CHRNA3: variants seen among roughly 807,000 people sequenced by gnomAD.
The protein encoded by CHRNA3 is cholinergic receptor nicotinic alpha 3 subunit.
Under a neutral mutation model 41.9 loss-of-function variants are expected in CHRNA3, and 34 were observed. The ratio of observed to expected loss-of-function variants is 0.81; its 90% CI spans 0.62 to 1.08. The LOEUF is 1.08. Among genes scored for constraint, CHRNA3 ranks in the 50% least tolerant of loss-of-function variants. The pLI, the probability that CHRNA3 is intolerant of heterozygous loss-of-function variation, is 0.00. For missense variants in CHRNA3, 542 were observed against 638.3 expected (o/e 0.85, Z 1.63); for synonymous variants, 281 against 265.2 (o/e 1.06, Z -0.58).
chr15:78,602,274 CAA>C lies in CHRNA3; in HGVS notation c.378-12_378-11del, dbSNP rs761402698. 12 of 1,610,446 alleles carry C rather than the reference CAA, an allele frequency of 7.5e-6. No homozygotes were observed. The highest frequency in any genetic ancestry group is 6.7e-5 in the East Asian group (3 of 44,828). On this transcript the variant is annotated splice_polypyrimidine_tract_variant and intron_variant, in intron 4 of 5. Coordinates refer to ENST00000326828, the MANE Select transcript of CHRNA3 (RefSeq NM_000743.5). ...GAAATCCCCAACAGCACTGCAAAGA[CAA>C]AGAGGGGGCACAGTGACACACGGTC...
intron 1 of CHRNA3, 141 bp downstream of exon 1, chr15:78,620,572 G>A: frequency 7.5e-7 from 1 of 1,332,210 alleles, no homozygotes; most frequent in Non-Finnish European, 9.6e-7. Context: ...GCTGGAGCCA[G>A]TCTGCGCGGG....
At chr15:78,599,549 A>AG (rs1411001439) in intron 5 of CHRNA3, among the ~76,000 whole-genome samples, 2 of 151,392 alleles carry the variant, frequency 1.3e-5, no homozygotes, top group East Asian at 2.0e-4. Context: ...ATGCAGGTTC[A>AG]GGGGGTCCCT....
Position 78,595,475 on chromosome 15 carries a change from T to A in CHRNA3, c.*1129A>T. 2.1e-6 allele frequency: 2 copies of A among 933,444 alleles called. No homozygotes were observed. The highest frequency in any genetic ancestry group is 2.6e-6 in the Non-Finnish European group (2 of 782,484). The allele number at this position is 933,444 out of a possible 1,614,324, so 57.8% of individuals were successfully genotyped here. On this transcript the variant is annotated 3_prime_UTR_variant, in exon 6 of 6. Coordinates refer to ENST00000326828, the MANE Select transcript of CHRNA3 (RefSeq NM_000743.5). ...AGCAATGTTTCTCAACCAGGGGCAA[T>A]TTTGCTCCTAAGGGAACATTTAACA...
intron 4 of CHRNA3, among the ~76,000 whole-genome samples, chr15:78,605,836 CCATGACTGTGCGGTCATGT>C (rs1245760333): frequency 2.0e-5 from 3 of 152,058 alleles, no homozygotes; most frequent in African/African-American, 4.8e-5. Flanking sequence ...CGTGGAGATG[CCATGACTGTGCGGTCATGT>C]CATGACTGAG....
chr15:78,620,587 G>A (rs2053534186), intron 1 of CHRNA3, 126 bp downstream of exon 1: 3 of 1,359,846 alleles, frequency 2.2e-6, no homozygotes, highest in Non-Finnish European at 2.8e-6. Context: ...CGCGGGTTCC[G>A]AGTCCCCGGC....
At chr15:78,593,149 T>C (rs1266274639), downstream of CHRNA3, 1 of 1,613,482 alleles carries the variant, frequency 6.2e-7, no homozygotes. Context: ...TCTGTGGACT[T>C]TTCTTTTCGT....
intron 1 of CHRNA3, 103 bp from the exon 2 acceptor site, chr15:78,619,018 G>A: frequency 1.5e-6 from 2 of 1,336,704 alleles, no homozygotes; most frequent in Non-Finnish European, 2.1e-6. Flanking sequence ...CTCCACCTGT[G>A]GGGGGATTCT....
chr15:78,608,068 G>A (rs987196353), intron 4 of CHRNA3, among the ~76,000 whole-genome samples: 24 of 152,352 alleles, frequency 1.6e-4, no homozygotes, highest in Non-Finnish European at 2.2e-4. Flanking sequence ...CAAAGCAGCC[G>A]GGAAGCTCGA....
Position 78,617,238 on chromosome 15 carries a change from G to A in CHRNA3, c.268-105C>T, listed in dbSNP as rs1268685921. On this transcript the variant is annotated intron_variant, in intron 3 of 5. Transcript: ENST00000326828. ...TGGTGACTCCCCACCCCTGCTGCAT[G>A]TGACCGAACCACATCCATGCCATGA... is the stretch of plus-strand genomic sequence containing the variant. The A allele has an allele frequency of 7.2e-6, 5 of 695,586 alleles. No homozygotes were observed. In the African/African-American group the frequency reaches 8.8e-5, roughly 12 times the overall value. The allele number at this position is 695,586 out of a possible 1,614,324, so 43.1% of individuals were successfully genotyped here.
intron 4 of CHRNA3, among the ~76,000 whole-genome samples, chr15:78,605,038 T>G (rs1366160602): frequency 6.6e-6 from 1 of 151,802 alleles, no homozygotes; most frequent in Admixed American, 6.6e-5. Context: ...CACCCAGAGA[T>G]AGCTGGCAGC....
intron 4 of CHRNA3, among the ~76,000 whole-genome samples, chr15:78,609,646 A>G (rs1392980698): frequency 1.3e-5 from 2 of 152,186 alleles, no homozygotes; most frequent in African/African-American, 4.8e-5. Flanking sequence ...AAAGACCATC[A>G]AGGCTAGGAA....
rs201771623 is a variant in CHRNA3, at chr15:78,602,159, G to A, written c.483C>T (p.Ile161=). 15 of 1,613,972 alleles carry A rather than the reference G, an allele frequency of 9.3e-6. No individual in the cohort carries two copies. Among genetic ancestry groups the A allele is most frequent in the Non-Finnish European group, 1.2e-5 (14 of 1,180,034 alleles). The change falls in exon 5 of 6, where the codon ATC becomes ATT. Residue 161 remains isoleucine, a synonymous_variant. Coordinates refer to ENST00000326828, the MANE Select transcript of CHRNA3 (RefSeq NM_000743.5). The stretch of plus-strand genomic sequence containing the variant: ...AATCAAACGGGAAGTAGGTCACGTC[G>A]ATTTTACAGGAGCTCTTAAAGATGG... ...PPAIFKSSCK[I]DVTYFPFDYQ... is the part of the protein sequence containing the mutation.
chr15:78,612,168 T>TC (rs752496780), intron 4 of CHRNA3, among the ~76,000 whole-genome samples: 13 of 151,930 alleles, frequency 8.6e-5, no homozygotes, highest in Admixed American at 3.3e-4. Flanking sequence ...TTCAATGCCA[T>TC]CCCCATCAAG....
intron 4 of CHRNA3, among the ~76,000 whole-genome samples, chr15:78,616,757 C>T (rs1470692550): frequency 6.6e-6 from 1 of 152,178 alleles, no homozygotes. Context: ...CTTCAAATGC[C>T]AATTCTTCCT....
chr15:78,618,632 G>A lies in CHRNA3; in HGVS notation c.252C>T (p.Asn84=), dbSNP rs200018398. ...VDEVNQIMET[N]LWLKQIWNDY... is the part of the protein sequence containing the mutation. Reference sequence around the variant, plus strand: ...GGTCACTTACTTGCTTGAGCCACAGGTTGGTCTCCATGATCTGGTTTACTT... The same window carrying A: ...GGTCACTTACTTGCTTGAGCCACAGATTGGTCTCCATGATCTGGTTTACTT... Residue 84 remains asparagine, a synonymous_variant, in exon 3 of 6, where the codon AAC becomes AAT. Coordinates refer to ENST00000326828, the MANE Select transcript of CHRNA3 (RefSeq NM_000743.5). 3.1e-6 allele frequency: 5 copies of A among 1,614,172 alleles called. No individual in the cohort carries two copies. The highest frequency in any genetic ancestry group is 1.3e-5 in the African/African-American group (1 of 75,048).
Position 78,620,858 on chromosome 15 carries a change from G to A in CHRNA3, c.-64C>T. ...GAGCGGGCGCGGCGGTCGCAGAGAC[G>A]GCCTCTCCCCGCGCGGCTCCAGCGC... is the stretch of plus-strand genomic sequence containing the variant. On this transcript the variant is annotated 5_prime_UTR_variant, in exon 1 of 6. Coordinates refer to ENST00000326828, the MANE Select transcript of CHRNA3 (RefSeq NM_000743.5). 7.6e-7 allele frequency: 1 copy of A among 1,320,370 alleles called. No homozygotes were observed. Among genetic ancestry groups the A allele is most frequent in the East Asian group, 3.2e-5 (1 of 31,244 alleles). 81.8% of individuals were successfully genotyped at this position (1,320,370 alleles called of 1,614,324 possible). A position where few individuals can be genotyped will look rare whatever the true frequency, so the allele number is the denominator to read the frequency against.
chr15:78,607,718 GGT>G (rs928378335), intron 4 of CHRNA3, among the ~76,000 whole-genome samples: 1 of 152,160 alleles, frequency 6.6e-6, no homozygotes, highest in Non-Finnish European at 1.5e-5. Context: ...CCAGACAGTG[GGT>G]GCAGGATAGT....
rs1198552831 is a variant in CHRNA3 at position 78,618,969 on chromosome 15, A to C, written c.83-54T>G. The C allele has an allele frequency of 3.1e-6, 5 of 1,591,830 alleles. No individual in the cohort carries two copies. The East Asian group carries it at 8.9e-5, about 28-fold the overall frequency. On this transcript the variant is annotated intron_variant, in intron 1 of 5. Transcript: ENST00000326828. ...GGGAAATCGTTACTTAACCTCCCCC[A>C]CCCAGCCCAGCAGAAACATCACCCA... is the stretch of plus-strand genomic sequence containing the variant.
At position 78,617,210 on chromosome 15, in the gene CHRNA3, T is replaced by C. The variant is rs1052604542; in HGVS notation, c.268-77A>G. The C allele has an allele frequency of 1.3e-5, 11 of 864,522 alleles. No individual in the cohort carries two copies. The African/African-American group carries it at 1.5e-4, about 12-fold the overall frequency. The allele number at this position is 864,522 out of a possible 1,614,324, so 53.6% of individuals were successfully genotyped here. ...GTTTTACTTCCCGTGGCACCACCCA[T>C]CTTGGTGACTCCCCACCCCTGCTGC... On this transcript the variant is annotated intron_variant, in intron 3 of 5. Coordinates refer to ENST00000326828, the MANE Select transcript of CHRNA3 (RefSeq NM_000743.5).
Sources: allele counts gnomAD v4.1 joint callset (sites outside exome capture counted in the v4.1 genomes callset), GRCh38; gene constraint gnomAD v4.1.1; transcripts MANE v1.5; gene names NCBI Gene and HGNC (gene_info 2026-07-23, HGNC 2026-07-21).